The following ZNF710 variants were observed in gnomAD, a reference collection of about 807,000 sequenced individuals.
The protein encoded by ZNF710 is zinc finger protein 710.
A neutral mutation model predicts 50.6 loss-of-function variants in ZNF710; 13 were observed. That is an observed-to-expected ratio of 0.26 (90% CI 0.17 to 0.41). ZNF710 has a LOEUF of 0.41. ZNF710 is among the 10% of genes least tolerant of loss of function. The pLI, the probability that ZNF710 is intolerant of heterozygous loss-of-function variation, is 1.00. For missense variants in ZNF710, 721 were observed against 936.6 expected, an observed-to-expected ratio of 0.77 and a Z score of 3.01; for synonymous variants, 383 against 397.0, an observed-to-expected ratio of 0.96 and a Z score of 0.42.
chr15:90,058,193 A>G (rs1196260791), intron 1 of ZNF710, among the ~76,000 whole-genome samples: 2 of 152,192 alleles, frequency 1.3e-5, no homozygotes, highest in Admixed American at 1.3e-4. Context: ...GAAAGCACTC[A>G]GAGCTCCTGG....
At chr15:90,010,932 T>G (rs1349833118) in intron 1 of ZNF710, among the ~76,000 whole-genome samples, 28 of 143,064 alleles carry the variant, frequency 2.0e-4, no homozygotes, top group African/African-American at 6.2e-4. Context: ...TTTTTTGTTT[T>G]TTTTTTTTTT....
rs1899255943 is a variant in ZNF710, at chr15:90,040,186, C to A, written c.-28-26924C>A. On this transcript the variant is annotated intron_variant, in intron 1 of 4. Transcript: ENST00000268154. This position sits in a 1 kb window ranked among gnomAD's most constrained non-coding sequence, Gnocchi z 4.6. Reference sequence around the variant, plus strand: ...TGGCTGGGTGAGGTCACCCAGGCCTCAGGCCTGTGCACTGTGGCCACTGCC... The same window carrying A: ...TGGCTGGGTGAGGTCACCCAGGCCTAAGGCCTGTGCACTGTGGCCACTGCC... 6.6e-6 allele frequency among the ~76,000 whole-genome samples: 1 copy of A among 152,196 alleles called. No homozygotes were observed. Among genetic ancestry groups the A allele is most frequent in the African/African-American group, 2.4e-5 (1 of 41,458 alleles).
At chr15:90,072,554 T>C (rs1019313110) in intron 2 of ZNF710, among the ~76,000 whole-genome samples, 14 of 151,804 alleles carry the variant, frequency 9.2e-5, no homozygotes, top group African/African-American at 3.4e-4. Context: ...ATCAAAAGGG[T>C]CTGAACCAAA....
intron 1 of ZNF710, among the ~76,000 whole-genome samples, chr15:90,020,573 G>A (rs527808155): frequency 6.6e-6 from 1 of 152,364 alleles, no homozygotes; most frequent in African/African-American, 2.4e-5. Flanking sequence ...TGAGATGAGG[G>A]ACGTTTCGGT....
intron 1 of ZNF710, among the ~76,000 whole-genome samples, chr15:90,032,008 T>C (rs960846171): frequency 6.6e-6 from 1 of 152,250 alleles, no homozygotes; most frequent in Non-Finnish European, 1.5e-5. Flanking sequence ...TGTGAATTTC[T>C]GTTTTTTTGA....
rs183820657 is a variant in ZNF710 at position 90,012,387 on chromosome 15, G to C, written c.-29+10773G>C. On this transcript the variant is annotated intron_variant, in intron 1 of 4. Transcript: ENST00000268154. Reference sequence around the variant, plus strand: ...GGCTCACTGCAAGCTCCGCCCCCCGGGTTCACACCATTCCCCTGGACTACA... The same window carrying C: ...GGCTCACTGCAAGCTCCGCCCCCCGCGTTCACACCATTCCCCTGGACTACA... 6.7e-3 allele frequency among the ~76,000 whole-genome samples: 999 copies of C among 148,312 alleles called. 9 individuals carry two copies. Among genetic ancestry groups the C allele is most frequent in the Non-Finnish European group, 0.011 (718 of 67,468 alleles).
At chr15:90,036,495 T>C (rs895609938) in intron 1 of ZNF710, among the ~76,000 whole-genome samples, 8 of 152,116 alleles carry the variant, frequency 5.3e-5, no homozygotes, top group East Asian at 1.9e-4. Context: ...TCTCTCCCCA[T>C]TGGGAGCCTG....
At chr15:90,071,117 T>C (rs1184868188) in intron 2 of ZNF710, among the ~76,000 whole-genome samples, 3 of 151,836 alleles carry the variant, frequency 2.0e-5, no homozygotes, top group Admixed American at 1.3e-4. Flanking sequence ...AAAAATTAGT[T>C]GGGCGTGGTG....
intron 1 of ZNF710, among the ~76,000 whole-genome samples, chr15:90,056,285 A>G (rs982169617): frequency 1.3e-5 from 2 of 152,116 alleles, no homozygotes; most frequent in African/African-American, 2.4e-5. Flanking sequence ...GTGGTGGCGC[A>G]TGCCTGTAAT....
intron 1 of ZNF710, chr15:90,002,699 T>G (rs1898045395): frequency 6.6e-6 from 1 of 152,388 alleles, no homozygotes; most frequent in South Asian, 2.1e-4. Context: ...CCAACTTGCC[T>G]TTTAAGATGA....
chr15:90,050,876 G>A (rs2151507013), intron 1 of ZNF710, among the ~76,000 whole-genome samples: 1 of 152,140 alleles, frequency 6.6e-6, no homozygotes, highest in African/African-American at 2.4e-5. Flanking sequence ...GAGGTCCTGA[G>A]ACTGGGGATC....
intron 1 of ZNF710, among the ~76,000 whole-genome samples, chr15:90,008,806 G>A (rs1032271779): frequency 7.3e-5 from 11 of 151,628 alleles, no homozygotes; most frequent in African/African-American, 1.2e-4. Flanking sequence ...GGTCTCTTTC[G>A]CAATCACCAT....
chr15:90,043,254 G>C (rs1899355825), intron 1 of ZNF710, among the ~76,000 whole-genome samples: 1 of 152,228 alleles, frequency 6.6e-6, no homozygotes, highest in Admixed American at 6.5e-5. Context: ...CCGCTACCTG[G>C]TTAAGGGCCC....
At position 90,074,140 on chromosome 15, in the gene ZNF710, A is replaced by G. The variant is rs775307175; in HGVS notation, c.1675A>G (p.Met559Val). The part of the protein sequence containing the change: ...CKVCGKSFNR[M>V]YNLLGHMHLH... ...GGTGTGCGGGAAGTCCTTCAACCGC[A>G]TGTACAACCTGCTGGGCCACATGCA... The change falls in exon 4 of 5, where the codon ATG (methionine) becomes GTG (valine). Residue 559 changes from methionine to valine, a missense_variant. Physicochemically the swap from Met to Val is conservative, Grantham distance 21. Coordinates refer to ENST00000268154, the MANE Select transcript of ZNF710 (RefSeq NM_198526.4). 4 of 1,613,542 alleles carry G rather than the reference A, an allele frequency of 2.5e-6. No homozygotes were observed. The highest frequency in any genetic ancestry group is 2.2e-5 in the South Asian group (2 of 91,050).
intron 1 of ZNF710, among the ~76,000 whole-genome samples, chr15:90,002,326 C>T (rs974693241): frequency 6.9e-6 from 1 of 144,236 alleles, no homozygotes; most frequent in Non-Finnish European, 1.5e-5. Flanking sequence ...TCCGCCGGGA[C>T]AGCGTCGGGG....
rs1482935192 is a variant in ZNF710, at chr15:90,067,939, A to C, written c.802A>C (p.Lys268Gln). ...TAGSTVERHK[K>Q]AQLDRLDINV... ...GGGTTCGACCGTGGAACGCCACAAGAAGGCCCAGCTGGATCGGCTGGACAT... is the reference window on the plus strand; with the variant it reads ...GGGTTCGACCGTGGAACGCCACAAGCAGGCCCAGCTGGATCGGCTGGACAT... Residue 268 changes from lysine (K) to glutamine (Q), a missense_variant, in exon 2 of 5, where the codon AAG becomes CAG. Physicochemically the swap from Lys to Gln is moderately conservative, Grantham distance 53. Coordinates refer to ENST00000268154, the MANE Select transcript of ZNF710 (RefSeq NM_198526.4). The surrounding 1 kb of genome is among the most constrained non-coding windows in gnomAD (Gnocchi z 8.1). 1 of 1,613,936 alleles carries C rather than the reference A, an allele frequency of 6.2e-7. No individual in the cohort carries two copies.
At chr15:90,008,441 CAT>C (rs1011267136) in intron 1 of ZNF710, among the ~76,000 whole-genome samples, 42 of 126,474 alleles carry the variant, frequency 3.3e-4, no homozygotes, top group Admixed American at 1.4e-3. Context: ...TATATATATA[CAT>C]ATATATATAT....
At chr15:90,019,115 GC>G (rs747513535) in intron 1 of ZNF710, among the ~76,000 whole-genome samples, 5 of 147,958 alleles carry the variant, frequency 3.4e-5, no homozygotes, top group Admixed American at 1.3e-4. Context: ...ATATTGTATA[GC>G]CCCCCCAGAA....
chr15:90,080,066 C>G lies in ZNF710; in HGVS notation c.*237C>G. The stretch of plus-strand genomic sequence containing the variant: ...ATCCCAGCAAGGGAAGGAGAACACG[C>G]GAGGCCCAGATCTGGGTCTCCCTGG... On this transcript the variant is annotated 3_prime_UTR_variant, in exon 5 of 5. Transcript: ENST00000268154. 2 of 420,716 alleles carry G rather than the reference C, an allele frequency of 4.8e-6. No individual in the cohort carries two copies. Among genetic ancestry groups the G allele is most frequent in the Non-Finnish European group, 8.4e-6 (2 of 239,266 alleles). 26.1% of individuals were successfully genotyped at this position (420,716 alleles called of 1,614,324 possible). A position where few individuals can be genotyped will look rare whatever the true frequency, so the allele number is the denominator to read the frequency against.
Sources: allele counts gnomAD v4.1 joint callset (sites outside exome capture counted in the v4.1 genomes callset), GRCh38; gene constraint gnomAD v4.1.1; non-coding constraint Gnocchi (gnomAD v3.1); transcripts MANE v1.5; gene names NCBI Gene and HGNC (gene_info 2026-07-23, HGNC 2026-07-21).